Variants in DCDC1 observed in about 807,000 individuals in gnomAD.
DCDC1 encodes the protein doublecortin domain containing 1, also known as doublecortin domain-containing protein 1.
DCDC1 carries 200 observed loss-of-function variants against 178.3 expected under a neutral mutation model. The ratio of observed to expected loss-of-function variants is 1.12; its 90% CI spans 1.00 to 1.26. The LOEUF (loss-of-function observed/expected upper bound fraction) is 1.26, where lower values mean the gene tolerates loss of function less well. DCDC1 is among the 50% of genes most tolerant of loss of function. The pLI, the probability that DCDC1 is intolerant of heterozygous loss-of-function variation, is 0.00. For missense variants in DCDC1, 1,983 were observed against 1,749.2 expected (o/e 1.13, Z -2.38); for synonymous variants, 690 against 604.8 (o/e 1.14, Z -2.07).
rs559464311 is a variant in DCDC1, at chr11:31,106,611, T to TAG, written c.1751+184_1751+185dup. Among the ~76,000 whole-genome samples the TAG allele has an allele frequency of 9.2e-4, 140 of 152,078 alleles. 3 individuals are homozygous for TAG. The South Asian group carries it at 0.028, about 30-fold the overall frequency. On this transcript the variant is annotated intron_variant, in intron 13 of 38. Transcript: ENST00000684477. ...TAAGACAGAAAGTCACAGACAGAGA[T>TAG]AGAGAGAGAGAAGGAGATGTCATAT...
intron 38 of DCDC1, among the ~76,000 whole-genome samples, chr11:30,876,958 A>T (rs568520960): frequency 6.6e-6 from 1 of 152,250 alleles, no homozygotes; most frequent in South Asian, 2.1e-4. Context: ...GGCAAAACAG[A>T]AGTCACATGC....
chr11:30,919,499 TCTTA>T (rs71888898), intron 25 of DCDC1, among the ~76,000 whole-genome samples: 2,842 of 152,288 alleles, frequency 0.019, 88 homozygotes, highest in African/African-American at 0.066. Flanking sequence ...GTTTCTTTTT[TCTTA>T]CTTTCTGTTT....
Position 31,110,296 on chromosome 11 carries a change from C to T in DCDC1, c.1551G>A (p.Ser517=), listed in dbSNP as rs1422729811. The change falls in exon 12 of 39, where the codon TCG becomes TCA. Residue 517 remains serine, a synonymous_variant. Coordinates refer to ENST00000684477, the MANE Select transcript of DCDC1 (RefSeq NM_001387274.1). ...SVGISKKDLG[S]DSPIQTDHMM... The stretch of plus-strand genomic sequence containing the variant: ...TATGGTCAGTTTGAATTGGGCTATC[C>T]GATCCCAAATCTTTTTTACTGATAC... 1.4e-5 allele frequency: 10 copies of T among 714,522 alleles called. No homozygotes were observed. The highest frequency in any genetic ancestry group is 2.1e-5 in the Non-Finnish European group (8 of 389,264). 44.3% of individuals were successfully genotyped at this position (714,522 alleles called of 1,614,324 possible).
intron 20 of DCDC1, among the ~76,000 whole-genome samples, chr11:30,962,368 C>T (rs1256551381): frequency 6.6e-6 from 1 of 151,918 alleles, no homozygotes; most frequent in Non-Finnish European, 1.5e-5. Flanking sequence ...TTATTTAAAA[C>T]AGGAACTGGA....
At chr11:30,968,708 AAAT>A (rs372237973) in intron 20 of DCDC1, among the ~76,000 whole-genome samples, 12 of 31,192 alleles carry the variant, frequency 3.8e-4, no homozygotes, top group African/African-American at 1.9e-3. Context: ...TATATATATC[AAAT>A]TATATATATA....
Position 30,905,127 on chromosome 11 carries a change from C to T in DCDC1, c.4142G>A (p.Ser1381Asn), listed in dbSNP as rs1944965972. ...LSCDKAEKTL[S>N]YYQARLLSLR... ...AGACAATAGACGTGCTTGGTAGTAA[C>T]TTAGAGTTTTTTCAGCCTTGTCACA... The change falls in exon 31 of 39, where the codon AGT becomes AAT. Residue 1381 changes from serine (S) to asparagine (N), a missense_variant. By Grantham distance (46) the Ser-to-Asn change is conservative (BLOSUM62 1). Transcript: ENST00000684477. The T allele has an allele frequency of 6.2e-7, 1 of 1,611,000 alleles. No homozygotes were observed. The highest frequency in any genetic ancestry group is 8.5e-7 in the Non-Finnish European group (1 of 1,178,282).
intron 21 of DCDC1, among the ~76,000 whole-genome samples, chr11:30,944,996 T>C (rs1476901590): frequency 1.7e-5 from 2 of 117,798 alleles, no homozygotes; most frequent in Non-Finnish European, 3.2e-5. Flanking sequence ...TGAGACGGAG[T>C]CTCATTCTGT....
intron 21 of DCDC1, among the ~76,000 whole-genome samples, chr11:30,947,960 C>G (rs1363844685): frequency 6.6e-6 from 1 of 152,128 alleles, no homozygotes; most frequent in Non-Finnish European, 1.5e-5. Context: ...TATGCCCTCT[C>G]TCACCACTCC....
chr11:31,279,003 T>C (rs1946206842), intron 7 of DCDC1, among the ~76,000 whole-genome samples: 1 of 152,094 alleles, frequency 6.6e-6, no homozygotes, highest in South Asian at 2.1e-4. Context: ...AAAAGACTGG[T>C]TGAATTTTGG....
intron 8 of DCDC1, 87 bp downstream of exon 8, chr11:31,265,420 T>C: frequency 1.6e-6 from 1 of 614,884 alleles, no homozygotes; most frequent in Admixed American, 3.5e-5. Flanking sequence ...TTATTATATG[T>C]TTTTCTTTTA....
intron 9 of DCDC1, among the ~76,000 whole-genome samples, chr11:31,207,240 C>T (rs1473541392): frequency 6.6e-6 from 1 of 151,928 alleles, no homozygotes; most frequent in Admixed American, 6.6e-5. Context: ...ACACAATAAG[C>T]AACATGAAAT....
chr11:31,057,871 G>C (rs1484522172), intron 20 of DCDC1, among the ~76,000 whole-genome samples: 2 of 152,082 alleles, frequency 1.3e-5, no homozygotes, highest in African/African-American at 4.8e-5. Flanking sequence ...GGAGTGTTCA[G>C]GATGAACTAC....
Position 30,931,791 on chromosome 11 carries a change from G to GAT in DCDC1, c.2875_2876dup (p.Pro961HisfsTer12). On this transcript the variant is annotated frameshift_variant, in exon 22 of 39. Coordinates refer to ENST00000684477, the MANE Select transcript of DCDC1 (RefSeq NM_001387274.1). LOFTEE classifies it high-confidence loss of function. ...CTTACTGCGTTTTCCGTCCAGGTGA[G>GAT]ATATCTGGACCAAGGATAGTAACGG... is the stretch of plus-strand genomic sequence containing the variant. 6.2e-7 allele frequency: 1 copy of GAT among 1,611,842 alleles called. No homozygotes were observed. The highest frequency in any genetic ancestry group is 8.5e-7 in the Non-Finnish European group (1 of 1,178,788).
intron 9 of DCDC1, among the ~76,000 whole-genome samples, chr11:31,181,563 C>T (rs1325919862): frequency 6.6e-6 from 1 of 152,180 alleles, no homozygotes. Context: ...GCTGGTGATA[C>T]CCAGGCAAAC....
At chr11:31,219,987 G>C (rs552288528) in intron 9 of DCDC1, among the ~76,000 whole-genome samples, 2 of 152,132 alleles carry the variant, frequency 1.3e-5, no homozygotes, top group African/African-American at 2.4e-5. Flanking sequence ...CCCCACACCT[G>C]AAACAGTACA....
intron 36 of DCDC1, 27 bp downstream of exon 36, chr11:30,892,791 G>T: frequency 6.2e-7 from 1 of 1,613,168 alleles, no homozygotes; most frequent in Non-Finnish European, 8.5e-7. Flanking sequence ...TCAGGCCTAT[G>T]AAACACTCCT....
chr11:31,279,113 CT>C (rs1565539430), intron 7 of DCDC1, among the ~76,000 whole-genome samples: 2 of 152,090 alleles, frequency 1.3e-5, no homozygotes, highest in African/African-American at 4.8e-5. Flanking sequence ...CTTGGACCTT[CT>C]TTCATTTCTC....
chr11:31,269,557 T>G (rs1009633158), intron 7 of DCDC1, among the ~76,000 whole-genome samples: 1 of 151,862 alleles, frequency 6.6e-6, no homozygotes, highest in Non-Finnish European at 1.5e-5. Flanking sequence ...AGCTAATTTT[T>G]TAATTTTTGT....
intron 29 of DCDC1, among the ~76,000 whole-genome samples, chr11:30,907,575 A>C (rs1360655533): frequency 6.6e-6 from 1 of 152,126 alleles, no homozygotes; most frequent in African/African-American, 2.4e-5. Context: ...GAACCCCGAG[A>C]CCACAATGTG....
Sources: allele counts gnomAD v4.1 joint callset (sites outside exome capture counted in the v4.1 genomes callset), GRCh38; gene constraint gnomAD v4.1.1; transcripts MANE v1.5; gene names NCBI Gene and HGNC (gene_info 2026-07-23, HGNC 2026-07-21).